The following DACH1 variants were observed in gnomAD, a reference collection of about 807,000 sequenced individuals.
DACH1 encodes dachshund family transcription factor 1, also known as dachshund homolog 1.
A neutral mutation model predicts 54.2 loss-of-function variants in DACH1; 12 were observed. The observed-to-expected ratio is 0.22, with a 90% CI of 0.14 to 0.36. The LOEUF is 0.36. Ranked by LOEUF, DACH1 falls within the 10% of genes least tolerant of loss-of-function variation. The pLI, the probability that DACH1 is intolerant of heterozygous loss-of-function variation, is 1.00. For synonymous variants in DACH1, 386 were observed against 366.2 expected (o/e 1.05, Z -0.62); for missense variants, 805 against 929.8 (o/e 0.87, Z 1.75).
intron 2 of DACH1, among the ~76,000 whole-genome samples, chr13:71,652,653 G>A (rs1878765533): frequency 6.6e-6 from 1 of 152,042 alleles, no homozygotes; most frequent in Non-Finnish European, 1.5e-5. Flanking sequence ...ATTCACCGAA[G>A]CAGAGTTGAT....
intron 1 of DACH1, among the ~76,000 whole-genome samples, chr13:71,740,722 C>T (rs1884344877): frequency 6.6e-6 from 1 of 152,090 alleles, no homozygotes; most frequent in South Asian, 2.1e-4. Flanking sequence ...ATAGCAGTTA[C>T]TTCCCAGTAC....
intron 10 of DACH1, among the ~76,000 whole-genome samples, chr13:71,468,719 G>A (rs1174956312): frequency 6.6e-6 from 1 of 152,122 alleles, no homozygotes; most frequent in East Asian, 1.9e-4. Flanking sequence ...TGGATCTGTC[G>A]CTGACATTGT....
intron 1 of DACH1, among the ~76,000 whole-genome samples, chr13:71,797,086 C>T (rs2138111823): frequency 6.6e-6 from 1 of 151,948 alleles, no homozygotes; most frequent in African/African-American, 2.4e-5. Flanking sequence ...TAATATTCTC[C>T]TTTCTCACTT....
At chr13:71,600,530 C>A (rs1252680154) in intron 3 of DACH1, among the ~76,000 whole-genome samples, 1 of 151,882 alleles carries the variant, frequency 6.6e-6, no homozygotes, top group East Asian at 1.9e-4. Flanking sequence ...TACAAGTATA[C>A]ATGCATATTT....
At chr13:71,587,818 TA>T (rs1873390601) in intron 3 of DACH1, among the ~76,000 whole-genome samples, 1 of 151,968 alleles carries the variant, frequency 6.6e-6, no homozygotes, top group South Asian at 2.1e-4. Context: ...TTAATTTCCA[TA>T]AAAAAGATAG....
At chr13:71,556,547 C>T (rs1166429665) in intron 6 of DACH1, among the ~76,000 whole-genome samples, 19 of 151,986 alleles carry the variant, frequency 1.3e-4, no homozygotes, top group Non-Finnish European at 2.6e-4. Flanking sequence ...TATGTAGAAC[C>T]TGAGGTTTCT....
At chr13:71,596,578 C>T (rs1874112546) in intron 3 of DACH1, among the ~76,000 whole-genome samples, 2 of 152,182 alleles carry the variant, frequency 1.3e-5, no homozygotes, top group Admixed American at 1.3e-4. Context: ...AAGACTATTA[C>T]TGTTTTATGA....
chr13:71,623,750 A>T (rs1308125246), intron 3 of DACH1, among the ~76,000 whole-genome samples: 1 of 151,840 alleles, frequency 6.6e-6, no homozygotes, highest in African/African-American at 2.4e-5. Context: ...CAGTTAAGTG[A>T]CTTATCTAAG....
chr13:71,840,161 T>C (rs1011284273), intron 1 of DACH1, among the ~76,000 whole-genome samples: 2 of 152,118 alleles, frequency 1.3e-5, no homozygotes, highest in African/African-American at 4.8e-5. Flanking sequence ...TTGGCTAGGC[T>C]GGTCTCAAAC....
intron 1 of DACH1, among the ~76,000 whole-genome samples, chr13:71,829,171 C>T (rs1888492975): frequency 6.6e-6 from 1 of 151,856 alleles, no homozygotes; most frequent in African/African-American, 2.4e-5. Flanking sequence ...ATTTTATATA[C>T]ATGCTTTGAC....
chr13:71,789,910 T>A (rs1436398067), intron 1 of DACH1, among the ~76,000 whole-genome samples: 1 of 152,122 alleles, frequency 6.6e-6, no homozygotes, highest in African/African-American at 2.4e-5. Context: ...CACAAGAGAT[T>A]CAATGTCAGT....
intron 3 of DACH1, among the ~76,000 whole-genome samples, chr13:71,596,966 A>G (rs1040344085): frequency 4.6e-5 from 7 of 152,198 alleles, no homozygotes; most frequent in Admixed American, 3.9e-4. Flanking sequence ...TATATATTGC[A>G]TGTAAATTTA....
rs558313115 is a variant in DACH1 at position 71,556,912 on chromosome 13, T to A, written c.1570+112A>T. On this transcript the variant is annotated intron_variant, in intron 6 of 10. Coordinates refer to ENST00000613252, the MANE Select transcript of DACH1 (RefSeq NM_080759.6). ...CTTAATATTGTGGATTTTAAAAACATTTATATGCTTTTTTTTTACATGATG... is the reference window on the plus strand; with the variant it reads ...CTTAATATTGTGGATTTTAAAAACAATTATATGCTTTTTTTTTACATGATG... 3,375 of 1,192,652 alleles carry A rather than the reference T, an allele frequency of 2.8e-3. 11 individuals are homozygous for A. The highest frequency in any genetic ancestry group is 3.0e-3 in the Non-Finnish European group (2,654 of 882,468). 73.9% of individuals were successfully genotyped at this position (1,192,652 alleles called of 1,614,324 possible). A position where few individuals can be genotyped will look rare whatever the true frequency, so the allele number is the denominator to read the frequency against.
At chr13:71,778,179 T>G (rs1434155614) in intron 1 of DACH1, among the ~76,000 whole-genome samples, 1 of 151,914 alleles carries the variant, frequency 6.6e-6, no homozygotes, top group Non-Finnish European at 1.5e-5. Flanking sequence ...ACCTTATAAA[T>G]AAGCTAGTTA....
At chr13:71,776,320 T>G (rs1489713108) in intron 1 of DACH1, among the ~76,000 whole-genome samples, 1 of 152,154 alleles carries the variant, frequency 6.6e-6, no homozygotes, top group Non-Finnish European at 1.5e-5. Context: ...CTTTTGATTT[T>G]CAGGTTTTTA....
chr13:71,801,671 T>C (rs1001671409), intron 1 of DACH1, among the ~76,000 whole-genome samples: 3 of 152,164 alleles, frequency 2.0e-5, no homozygotes, highest in Non-Finnish European at 2.9e-5. Flanking sequence ...TGGTTACTTT[T>C]ATTTATGAGC....
In DACH1 at chr13:71,866,196, C is replaced by T. The variant is rs376272415; in HGVS notation, c.574G>A (p.Asp192Asn). The change falls in exon 1 of 11, where the codon GAT becomes AAT. Residue 192 changes from aspartate to asparagine, a missense_variant. By Grantham distance (23) the Asp-to-Asn change is conservative (BLOSUM62 1). Transcript: ENST00000613252. ...TPQNNECKMV[D>N]LRGAKVASFT... ...GAAGCCACTTTGGCCCCCCTCAGATCCACCATTTTGCACTCATTATTCTGA... is the reference window on the plus strand; with the variant it reads ...GAAGCCACTTTGGCCCCCCTCAGATTCACCATTTTGCACTCATTATTCTGA... The T allele has an allele frequency of 3.7e-6, 6 of 1,612,840 alleles. No individual in the cohort carries two copies. The highest frequency in any genetic ancestry group is 5.1e-6 in the Non-Finnish European group (6 of 1,179,502).
At chr13:71,739,188 G>T (rs1023082609) in intron 1 of DACH1, among the ~76,000 whole-genome samples, 1 of 152,068 alleles carries the variant, frequency 6.6e-6, no homozygotes, top group Non-Finnish European at 1.5e-5. Context: ...GGAGGTGGAG[G>T]TTGTGGTGAG....
chr13:71,720,436 G>T (rs577443164), intron 1 of DACH1, among the ~76,000 whole-genome samples: 1 of 152,138 alleles, frequency 6.6e-6, no homozygotes, highest in Non-Finnish European at 1.5e-5. Flanking sequence ...GACACACCTT[G>T]TTACCCTATT....
Sources: gnomAD v4.1 joint callset for allele counts (sites outside exome capture counted in the v4.1 genomes callset) on GRCh38, gnomAD v4.1.1 for gene constraint, MANE v1.5 for transcripts, NCBI Gene and HGNC (gene_info 2026-07-23, HGNC 2026-07-21) for gene names.